The following LRP4 variants were observed in gnomAD, a reference collection of about 807,000 sequenced individuals.
LRP4 encodes low-density lipoprotein receptor-related protein 4.
A neutral mutation model predicts 220.3 loss-of-function variants in LRP4; 95 were observed. The ratio of observed to expected loss-of-function variants is 0.43; its 90% CI spans 0.37 to 0.51. The LOEUF (loss-of-function observed/expected upper bound fraction) is 0.51. Among genes scored for constraint, LRP4 ranks in the 20% least tolerant of loss-of-function variants. LRP4 has a pLI of 0.00. For missense variants in LRP4, 1,925 were observed against 2,567.0 expected, an observed-to-expected ratio of 0.75 and a Z score of 5.40; for synonymous variants, 903 against 954.6, an observed-to-expected ratio of 0.95 and a Z score of 1.00.
chr11:46,868,652 C>T lies in LRP4; in HGVS notation c.4899G>A (p.Ser1633=), dbSNP rs143849188. 1.5e-5 allele frequency: 25 copies of T among 1,614,028 alleles called. No individual in the cohort carries two copies. Among genetic ancestry groups the T allele is most frequent in the South Asian group, 1.4e-4 (13 of 91,090 alleles). ...GCTHLCFARA[S]DFVCACPDEP... ...CGTCAGGACAGGCACATACGAAGTC[C>T]GAGGCTCTGGCAAAGCAGAGGTGGG... The change falls in exon 33 of 38, where the codon TCG becomes TCA. Residue 1633 remains serine, a synonymous_variant. Coordinates refer to ENST00000378623, the MANE Select transcript of LRP4 (RefSeq NM_002334.4).
At chr11:46,885,947 C>A (rs1414627484) in intron 18 of LRP4, 144 bp downstream of exon 18, 3 of 751,918 alleles carry the variant, frequency 4.0e-6, no homozygotes, top group African/African-American at 3.4e-5. Flanking sequence ...TCTGCAGCAG[C>A]CCTCCGGCTT....
intron 10 of LRP4, 109 bp downstream of exon 10, chr11:46,895,775 A>G: frequency 6.7e-7 from 1 of 1,483,846 alleles, no homozygotes; most frequent in Non-Finnish European, 9.3e-7. Flanking sequence ...TATTGTGAGG[A>G]CGAAATGAGG....
At chr11:46,910,680 C>CTTTTTTTTTTTTTTT (rs56889464) in intron 1 of LRP4, among the ~76,000 whole-genome samples, 1 of 123,812 alleles carries the variant, frequency 8.1e-6, no homozygotes, top group Non-Finnish European at 1.6e-5. Flanking sequence ...TCCTTGCCCC[C>CTTTTTTTTTTTTTTT]TTTTTTTTTT....
chr11:46,894,806 C>T lies in LRP4; in HGVS notation c.1323G>A (p.Val441=). The T allele has an allele frequency of 1.2e-6, 2 of 1,614,114 alleles. No individual in the cohort carries two copies. Among genetic ancestry groups the T allele is most frequent in the Middle Eastern group, 1.7e-4 (1 of 6,060 alleles). The change falls in exon 12 of 38, where the codon GTG becomes GTA. Residue 441 remains valine (V), a synonymous_variant. Coordinates refer to ENST00000378623, the MANE Select transcript of LRP4 (RefSeq NM_002334.4). Reference sequence around the variant, plus strand: ...TGTCGATGCGATTGGCGAACAGCAGCACAGGCTCTGGCCCTGGGAAACAGT... The same window carrying T: ...TGTCGATGCGATTGGCGAACAGCAGTACAGGCTCTGGCCCTGGGAAACAGT... The part of the protein sequence containing the change: ...RSCKALGPEP[V]LLFANRIDIR...
At chr11:46,867,522 C>T (rs865834728) in intron 34 of LRP4, among the ~76,000 whole-genome samples, 45 of 152,156 alleles carry the variant, frequency 3.0e-4, no homozygotes, top group Non-Finnish European at 5.4e-4. Context: ...AGTGTAATGG[C>T]GCGATCTCGG....
Position 46,862,795 on chromosome 11 carries a change from T to C in LRP4, c.5244-48A>G, listed in dbSNP as rs373626613. On this transcript the variant is annotated intron_variant, in intron 36 of 37. Coordinates refer to ENST00000378623, the MANE Select transcript of LRP4 (RefSeq NM_002334.4). Reference sequence around the variant, plus strand: ...AAATTAGTCGAGATCTTTAAGGGGATGATACCTGGGAAAGCTGTAAACTGA... The same window carrying C: ...AAATTAGTCGAGATCTTTAAGGGGACGATACCTGGGAAAGCTGTAAACTGA... 32 of 1,575,254 alleles carry C rather than the reference T, an allele frequency of 2.0e-5. No homozygotes were observed. The African/African-American group carries it at 3.2e-4, about 16-fold the overall frequency.
chr11:46,879,409 C>T, intron 20 of LRP4, 94 bp from the exon 21 acceptor site: 1 of 1,246,292 alleles, frequency 8.0e-7, no homozygotes, highest in South Asian at 1.2e-5. Context: ...AGCAGCTCTC[C>T]CACTAACACC....
intron 19 of LRP4, 140 bp downstream of exon 19, chr11:46,883,731 C>T (rs543065790): frequency 3.0e-6 from 2 of 664,162 alleles, no homozygotes; most frequent in African/African-American, 1.8e-5. Context: ...TGGCAACCAG[C>T]CTCTGGTTTC....
In LRP4 at chr11:46,875,753, C is replaced by T; in HGVS notation, c.3699+51G>A. 3.1e-6 allele frequency: 5 copies of T among 1,613,522 alleles called. No individual in the cohort carries two copies. The highest frequency in any genetic ancestry group is 4.2e-6 in the Non-Finnish European group (5 of 1,179,596). On this transcript the variant is annotated intron_variant, in intron 26 of 37. Transcript: ENST00000378623. The surrounding 1 kb of genome is among the most constrained non-coding windows in gnomAD (Gnocchi z 4.5). ...ACTCTCCATGGAGATCCTAGGCAGGCCTTTCCCATCTTCCCAGGCTCCTGG... is the reference window on the plus strand; with the variant it reads ...ACTCTCCATGGAGATCCTAGGCAGGTCTTTCCCATCTTCCCAGGCTCCTGG...
At chr11:46,865,222 C>G (rs551752425) in intron 34 of LRP4, 36 bp from the exon 35 acceptor site, 2 of 1,473,272 alleles carry the variant, frequency 1.4e-6, no homozygotes, top group Non-Finnish European at 1.9e-6. Context: ...GAAGCCTACT[C>G]ATACTCAGTG....
intron 1 of LRP4, among the ~76,000 whole-genome samples, chr11:46,905,563 G>A (rs946778143): frequency 5.3e-5 from 8 of 152,088 alleles, no homozygotes; most frequent in African/African-American, 1.9e-4. Context: ...ACTCTATAAC[G>A]TGTATAATTC....
In LRP4 at chr11:46,900,939, G is replaced by A. The variant is rs1388044637; in HGVS notation, c.200-561C>T. Among the ~76,000 whole-genome samples the A allele has an allele frequency of 3.9e-5, 6 of 152,010 alleles. No individual in the cohort carries two copies. In the East Asian group the frequency reaches 7.7e-4, roughly 20 times the overall value. ...GTAGCTGGTGTTACAGGTGCCCGCT[G>A]CCACACCCAGCTATCTTTTTTTTTG... is the stretch of plus-strand genomic sequence containing the variant. On this transcript the variant is annotated intron_variant, in intron 2 of 37. Coordinates refer to ENST00000378623, the MANE Select transcript of LRP4 (RefSeq NM_002334.4).
At chr11:46,868,246 C>T in intron 33 of LRP4, 132 bp from the exon 34 acceptor site, 1 of 1,004,690 alleles carries the variant, frequency 1.0e-6, no homozygotes, top group Non-Finnish European at 1.5e-6. Context: ...CATTAGTAGC[C>T]CTTCTTAATA....
At chr11:46,907,374 A>G (rs1213625191) in intron 1 of LRP4, among the ~76,000 whole-genome samples, 1 of 152,158 alleles carries the variant, frequency 6.6e-6, no homozygotes, top group East Asian at 1.9e-4. Flanking sequence ...GGTTAACTAA[A>G]ATCTTACCTT....
At chr11:46,881,138 GGTGAT>G (rs1298215181) in intron 20 of LRP4, among the ~76,000 whole-genome samples, 1 of 147,554 alleles carries the variant, frequency 6.8e-6, no homozygotes, top group African/African-American at 2.5e-5. Context: ...ATTGTACTGT[GGTGAT>G]GTAAGACAAC....
Position 46,902,840 on chromosome 11 carries a change from G to A in LRP4, c.142C>T (p.Gln48Ter). Reference protein sequence around the residue: ...ALGECTCIPAQWQCDGDNDCG... With the variant: ...ALGECTCIPA ...TCATTGTCTCCATCACACTGCCACT[G>A]GGCAGGGATGCAGGTACACTCTCCA... The change falls in exon 2 of 38, where the codon CAG (glutamine) becomes TAG (stop). Residue 48 changes from glutamine to a stop codon, truncating the protein, a stop_gained. Transcript: ENST00000378623. LOFTEE classifies it high-confidence loss of function. 1 of 1,614,074 alleles carries A rather than the reference G, an allele frequency of 6.2e-7. No individual in the cohort carries two copies. Among genetic ancestry groups the A allele is most frequent in the Non-Finnish European group, 8.5e-7 (1 of 1,180,018 alleles).
At position 46,876,635 on chromosome 11, in the gene LRP4, G is replaced by T. The variant is rs763514608; in HGVS notation, c.3367C>A (p.Leu1123Ile). The T allele has an allele frequency of 1.1e-5, 18 of 1,614,078 alleles. No individual in the cohort carries two copies. The South Asian group carries it at 2.0e-4, about 18-fold the overall frequency. ...SQHEDIITTG[L>I]QTTDGLAVDA... The stretch of plus-strand genomic sequence containing the variant: ...ACCGCGAGCCCATCTGTGGTCTGTA[G>T]CCCTGTGGGAAGTCAAAAGAGCACA... Residue 1123 changes from leucine to isoleucine, a missense_variant and splice_region_variant, in exon 25 of 38, where the codon CTA becomes ATA. Transcript: ENST00000378623.
At chr11:46,904,502 C>T (rs72897668) in intron 1 of LRP4, among the ~76,000 whole-genome samples, 28 of 30,568 alleles carry the variant, frequency 9.2e-4, no homozygotes, top group Non-Finnish European at 1.1e-3. Context: ...GATGGATGGA[C>T]GGACAGACGG....
At chr11:46,888,014 C>CAAAAAAAAAAAAAAA (rs59369000) in intron 16 of LRP4, among the ~76,000 whole-genome samples, 2 of 45,912 alleles carry the variant, frequency 4.4e-5, no homozygotes, top group African/African-American at 2.9e-4. Context: ...GACCCTGTCT[C>CAAAAAAAAAAAAAAA]AAAAAAAAAA....
Sources: gnomAD v4.1 joint callset for allele counts (sites outside exome capture counted in the v4.1 genomes callset) on GRCh38, gnomAD v4.1.1 for gene constraint, Gnocchi (gnomAD v3.1) non-coding constraint, MANE v1.5 for transcripts, NCBI Gene and HGNC (gene_info 2026-07-23, HGNC 2026-07-21) for gene names.